Variants in BACH1 observed in about 807,000 individuals in gnomAD.
The protein encoded by BACH1 is transcription regulator protein BACH1.
A neutral mutation model predicts 52.9 loss-of-function variants in BACH1; 35 were observed. That is an observed-to-expected ratio of 0.66 (90% confidence interval 0.51 to 0.88). The LOEUF is 0.88. Among genes scored for constraint, BACH1 ranks in the 40% least tolerant of loss-of-function variants. The pLI, the probability that BACH1 is intolerant of heterozygous loss-of-function variation, is 0.00. For missense variants in BACH1, 808 were observed against 872.6 expected, an observed-to-expected ratio of 0.93 and a Z score of 0.93; for synonymous variants, 321 against 319.6, an observed-to-expected ratio of 1.00 and a Z score of -0.05.
At chr21:29,348,277 T>A (rs1428376727), downstream of BACH1, among the ~76,000 whole-genome samples, 5 of 151,828 alleles carry the variant, frequency 3.3e-5, no homozygotes, top group African/African-American at 1.2e-4. Context: ...TGAGGCTGAG[T>A]CTCTGATGTG....
Position 29,326,890 on chromosome 21 carries a change from G to T in BACH1, c.1066G>T (p.Val356Phe), listed in dbSNP as rs142400654. ...LTEKPLSGTD[V>F]QEKTFGESQD... is the part of the protein sequence containing the mutation. ...AGAAAAGCCTTTGTCAGGTACAGAC[G>T]TCCAAGAAAAAACATTTGGTGAAAG... The change falls in exon 3 of 5, where the codon GTC (valine) becomes TTC (phenylalanine). Residue 356 changes from valine to phenylalanine, a missense_variant. Physicochemically the swap from Val to Phe is conservative, Grantham distance 50. Transcript: ENST00000286800. 2 of 1,614,080 alleles carry T rather than the reference G, an allele frequency of 1.2e-6. No homozygotes were observed. The highest frequency in any genetic ancestry group is 1.7e-6 in the Non-Finnish European group (2 of 1,180,052).
intron 3 of BACH1, among the ~76,000 whole-genome samples, chr21:29,328,845 C>T (rs903916727): frequency 1.3e-5 from 2 of 152,154 alleles, no homozygotes; most frequent in Non-Finnish European, 2.9e-5. Flanking sequence ...CATGATGCCT[C>T]CCAAGTTCTC....
At chr21:29,330,098 G>C (rs1365682691) in intron 4 of BACH1, among the ~76,000 whole-genome samples, 2 of 152,194 alleles carry the variant, frequency 1.3e-5, no homozygotes, top group Non-Finnish European at 2.9e-5. Context: ...TGATAGATAT[G>C]GTGATATGAA....
At chr21:29,316,734 G>T (rs555153485) in intron 1 of BACH1, among the ~76,000 whole-genome samples, 53 of 152,272 alleles carry the variant, frequency 3.5e-4, no homozygotes, top group African/African-American at 1.2e-3. Context: ...AAAGCAAAAG[G>T]CAAGGTGTTT....
intron 4 of BACH1, among the ~76,000 whole-genome samples, chr21:29,334,065 C>T (rs999986725): frequency 1.3e-5 from 2 of 151,798 alleles, no homozygotes; most frequent in Non-Finnish European, 2.9e-5. Context: ...ATGCATAAGC[C>T]AGTAACATGA....
rs76618578 is a variant in BACH1, at chr21:29,343,019, T to G, written c.*186T>G. The G allele has an allele frequency of 1.3e-3, 749 of 570,296 alleles. 4 individuals are homozygous for G. Among genetic ancestry groups the G allele is most frequent in the African/African-American group, 0.012 (663 of 53,802 alleles). The allele number at this position is 570,296 out of a possible 1,614,324, so 35.3% of individuals were successfully genotyped here. A position where few individuals can be genotyped will look rare whatever the true frequency, so the allele number is the denominator to read the frequency against. ...TTTCTACAAGAGACAAAGAAATGAT[T>G]TTGCCTCCTGGATATCAGAAAAATC... On this transcript the variant is annotated 3_prime_UTR_variant, in exon 5 of 5. Coordinates refer to ENST00000286800, the MANE Select transcript of BACH1 (RefSeq NM_001186.4).
chr21:29,299,673 A>G (rs2088581497), intron 1 of BACH1: 1 of 152,186 alleles, frequency 6.6e-6, no homozygotes, highest in Non-Finnish European at 1.5e-5. Context: ...TTGCTTTCTC[A>G]TTCTTACACG....
At position 29,321,253 on chromosome 21, in the gene BACH1, A is replaced by T; in HGVS notation, c.-28A>T. Reference sequence around the variant, plus strand: ...ATAATTAGAAGCATGCTTTCCACTGAACTTCCCGACAACATTTGTTATGCA... The same window carrying T: ...ATAATTAGAAGCATGCTTTCCACTGTACTTCCCGACAACATTTGTTATGCA... On this transcript the variant is annotated 5_prime_UTR_variant, in exon 2 of 5. Transcript: ENST00000286800. 6.4e-7 allele frequency: 1 copy of T among 1,572,098 alleles called. No homozygotes were observed. Among genetic ancestry groups the T allele is most frequent in the Admixed American group, 1.7e-5 (1 of 59,840 alleles).
intron 1 of BACH1, among the ~76,000 whole-genome samples, chr21:29,309,902 A>C (rs761873364): frequency 1.7e-4 from 26 of 152,234 alleles, no homozygotes; most frequent in Non-Finnish European, 5.9e-5. Context: ...GGTGGGAGCT[A>C]CCTACTTAGG....
At chr21:29,355,618 C>T (rs935585917) in intron 2 of BACH1, among the ~76,000 whole-genome samples, 2 of 152,190 alleles carry the variant, frequency 1.3e-5, no homozygotes, top group East Asian at 1.9e-4. Flanking sequence ...GCCAGCGGGT[C>T]GGTCCAGGGG....
At chr21:29,340,898 A>T (rs1329722806) in intron 4 of BACH1, among the ~76,000 whole-genome samples, 1 of 152,088 alleles carries the variant, frequency 6.6e-6, no homozygotes. Context: ...CATAAGAGAA[A>T]ATGTACTGGC....
At chr21:29,354,195 G>T (rs1341892722) in intron 2 of BACH1, among the ~76,000 whole-genome samples, 2 of 152,216 alleles carry the variant, frequency 1.3e-5, no homozygotes, top group Non-Finnish European at 2.9e-5. Flanking sequence ...GTTTGGTGTG[G>T]TTGCATGCCA....
intron 1 of BACH1, among the ~76,000 whole-genome samples, chr21:29,311,860 T>C (rs891371613): frequency 6.6e-6 from 1 of 152,250 alleles, no homozygotes; most frequent in Non-Finnish European, 1.5e-5. Context: ...GTTAATAATA[T>C]TTACATTCTA....
chr21:29,325,917 A>G lies in BACH1; in HGVS notation c.235-142A>G, dbSNP rs567147288. 121 of 912,632 alleles carry G rather than the reference A, an allele frequency of 1.3e-4. No homozygotes were observed. The South Asian group carries it at 2.7e-3, about 20-fold the overall frequency. The allele number at this position is 912,632 out of a possible 1,614,324, so 56.5% of individuals were successfully genotyped here. A position where few individuals can be genotyped will look rare whatever the true frequency, so the allele number is the denominator to read the frequency against. ...TTTCTTTTACATTTCTTAGAAGAAT[A>G]TGTTTTCTTCAAATTAAAGTACATA... On this transcript the variant is annotated intron_variant, in intron 2 of 4. Coordinates refer to ENST00000286800, the MANE Select transcript of BACH1 (RefSeq NM_001186.4).
intron 1 of BACH1, among the ~76,000 whole-genome samples, chr21:29,310,632 AAAG>A (rs1278533218): frequency 6.6e-6 from 1 of 152,250 alleles, no homozygotes; most frequent in Admixed American, 6.5e-5. Context: ...GAGTGTGTGC[AAAG>A]AAGAAACCAG....
At chr21:29,317,623 A>G (rs1018547959) in intron 1 of BACH1, among the ~76,000 whole-genome samples, 1 of 152,142 alleles carries the variant, frequency 6.6e-6, no homozygotes, top group Admixed American at 6.5e-5. Context: ...GGACTTGAGG[A>G]CGTGTTAAGG....
At chr21:29,347,961 T>G (rs2089179654), downstream of BACH1, among the ~76,000 whole-genome samples, 1 of 152,204 alleles carries the variant, frequency 6.6e-6, no homozygotes. Context: ...GAAGTTTAAC[T>G]TTTATTATTC....
chr21:29,316,662 G>C (rs559380604), intron 1 of BACH1, among the ~76,000 whole-genome samples: 49 of 152,324 alleles, frequency 3.2e-4, no homozygotes, highest in Middle Eastern at 3.4e-3. Context: ...TGACCACTTA[G>C]ATGGTTTCCA....
chr21:29,307,415 G>A (rs575764123), intron 1 of BACH1, among the ~76,000 whole-genome samples: 2 of 152,246 alleles, frequency 1.3e-5, no homozygotes, highest in South Asian at 2.1e-4. Context: ...CTTTGTGTGT[G>A]TGTGTGTGTG....
Sources: gnomAD v4.1 joint callset for allele counts (sites outside exome capture counted in the v4.1 genomes callset) on GRCh38, gnomAD v4.1.1 for gene constraint, MANE v1.5 for transcripts, NCBI Gene and HGNC (gene_info 2026-07-23, HGNC 2026-07-21) for gene names.